LGR5: variants seen among roughly 807,000 people sequenced by gnomAD.
The protein encoded by LGR5 is leucine rich repeat containing G protein-coupled receptor 5, also known as leucine-rich repeat-containing G protein-coupled receptor 5.
A neutral mutation model predicts 76.7 loss-of-function variants in LGR5; 54 were observed. The observed-to-expected ratio is 0.70, with a 90% CI of 0.57 to 0.88. The LOEUF is 0.88. LGR5 is among the 40% of genes least tolerant of loss of function. The probability of loss-of-function intolerance (pLI) is 0.00; values close to 1 mark genes in which losing one functional copy is unlikely to be tolerated. For synonymous variants in LGR5, 406 were observed against 421.9 expected (o/e 0.96, Z 0.46); for missense variants, 1,078 against 1,073.3 (o/e 1.00, Z -0.06).
chr12:71,475,080 C>A (rs1873268812), intron 1 of LGR5, among the ~76,000 whole-genome samples: 1 of 152,154 alleles, frequency 6.6e-6, no homozygotes, highest in Non-Finnish European at 1.5e-5. Context: ...CTCAGCCAAT[C>A]TGAGGCTAGC....
chr12:71,471,754 T>C (rs998121239), intron 1 of LGR5, among the ~76,000 whole-genome samples: 1 of 152,048 alleles, frequency 6.6e-6, no homozygotes, highest in African/African-American at 2.4e-5. Flanking sequence ...TCAGTTTCCT[T>C]CCTATAAAAC....
rs1372753578 is a variant in LGR5, at chr12:71,553,244, C to T, written c.600C>T (p.His200=). The change falls in exon 5 of 18, where the codon CAC becomes CAT. Residue 200 remains histidine (H), a synonymous_variant. Transcript: ENST00000266674. ...CCTTGGCCCTGAACAAAATACACCA[C>T]ATACCAGACTATGCCTTTGGAAACC... ...AMTLALNKIH[H]IPDYAFGNLS... is the part of the protein sequence containing the mutation. 1.2e-6 allele frequency: 2 copies of T among 1,613,870 alleles called. No individual in the cohort carries two copies. Among genetic ancestry groups the T allele is most frequent in the Non-Finnish European group, 1.7e-6 (2 of 1,180,008 alleles).
intron 1 of LGR5, among the ~76,000 whole-genome samples, chr12:71,447,226 T>C (rs1872040554): frequency 6.6e-6 from 1 of 152,232 alleles, no homozygotes; most frequent in Admixed American, 6.5e-5. Flanking sequence ...TTTTAAACTT[T>C]GCATGCTTTG....
At chr12:71,539,609 C>G (rs908089555) in intron 4 of LGR5, among the ~76,000 whole-genome samples, 2 of 152,144 alleles carry the variant, frequency 1.3e-5, no homozygotes, top group African/African-American at 4.8e-5. Flanking sequence ...TCCTAAGTAG[C>G]TGGAATTACA....
intron 1 of LGR5, among the ~76,000 whole-genome samples, chr12:71,460,335 A>T (rs1452577976): frequency 6.6e-6 from 1 of 152,160 alleles, no homozygotes; most frequent in Non-Finnish European, 1.5e-5. Context: ...AGTGTGGAGA[A>T]GTTGGCTAAA....
At chr12:71,518,540 C>T (rs1285782158) in intron 2 of LGR5, among the ~76,000 whole-genome samples, 1 of 152,184 alleles carries the variant, frequency 6.6e-6, no homozygotes, top group Non-Finnish European at 1.5e-5. Flanking sequence ...TATAAAGACA[C>T]ATGAATGCAT....
intron 8 of LGR5, 80 bp downstream of exon 8, chr12:71,561,932 A>C (rs1878080766): frequency 1.2e-6 from 1 of 864,512 alleles, no homozygotes; most frequent in Admixed American, 2.7e-5. Context: ...TGAATATTCT[A>C]TATTTGCCTG....
At chr12:71,461,198 G>A (rs190215404) in intron 1 of LGR5, among the ~76,000 whole-genome samples, 22 of 152,258 alleles carry the variant, frequency 1.4e-4, no homozygotes, top group Admixed American at 1.4e-3. Context: ...GAAGGGACAT[G>A]TTTGCCCCTT....
intron 3 of LGR5, among the ~76,000 whole-genome samples, chr12:71,525,550 A>T (rs959425600): frequency 6.6e-5 from 10 of 152,062 alleles, no homozygotes; most frequent in African/African-American, 9.6e-5. Context: ...AAAATTTGGA[A>T]CCATTCAAAA....
At chr12:71,577,748 C>G (rs1368176892) in intron 13 of LGR5, among the ~76,000 whole-genome samples, 177 bp from the exon 14 acceptor site, 1 of 152,186 alleles carries the variant, frequency 6.6e-6, no homozygotes, top group African/African-American at 2.4e-5. Flanking sequence ...ATTTAAAGTT[C>G]TCTCATTAGT....
At chr12:71,550,433 C>T (rs1418770667) in intron 4 of LGR5, among the ~76,000 whole-genome samples, 2 of 148,560 alleles carry the variant, frequency 1.3e-5, no homozygotes, top group African/African-American at 5.0e-5. Flanking sequence ...GCGCGCAGCC[C>T]AAGACTTTTA....
chr12:71,578,950 A>C, intron 15 of LGR5, 21 bp downstream of exon 15: 1 of 1,587,630 alleles, frequency 6.3e-7, no homozygotes, highest in East Asian at 2.2e-5. Flanking sequence ...CATTAAAACT[A>C]ATAAGATACA....
Position 71,523,297 on chromosome 12 carries a change from T to G in LGR5, c.285-1109T>G, listed in dbSNP as rs576453290. ...TTGAGGCTCTTAGGTCCTTCAGAAA[T>G]AAGCACTAGTCAACTGGACCAACAA... On this transcript the variant is annotated intron_variant, in intron 2 of 17. Coordinates refer to ENST00000266674, the MANE Select transcript of LGR5 (RefSeq NM_003667.4). 1.4e-4 allele frequency among the ~76,000 whole-genome samples: 22 copies of G among 152,050 alleles called. 1 individual carries two copies. The highest frequency in any genetic ancestry group is 4.1e-4 in the African/African-American group (17 of 41,494).
chr12:71,536,553 A>G (rs753653817), intron 4 of LGR5, among the ~76,000 whole-genome samples: 2 of 152,356 alleles, frequency 1.3e-5, no homozygotes, highest in South Asian at 4.1e-4. Context: ...CCTGAAGGAA[A>G]GAAGAAACAG....
At chr12:71,514,334 C>T (rs931728118) in intron 2 of LGR5, among the ~76,000 whole-genome samples, 2 of 151,816 alleles carry the variant, frequency 1.3e-5, no homozygotes, top group African/African-American at 2.4e-5. Context: ...TTTGGGAGGC[C>T]GAGGCAGGTG....
rs1220892507 is a variant in LGR5, at chr12:71,583,667, C to T, written c.1657C>T (p.His553Tyr). 2 of 1,612,854 alleles carry T rather than the reference C, an allele frequency of 1.2e-6. No individual in the cohort carries two copies. Among genetic ancestry groups the T allele is most frequent in the African/African-American group, 2.7e-5 (2 of 74,932 alleles). Residue 553 changes from histidine (H) to tyrosine (Y), a missense_variant, in exon 18 of 18, where the codon CAC becomes TAC. By Grantham distance (83) the His-to-Tyr change is moderately conservative (BLOSUM62 2). Coordinates refer to ENST00000266674, the MANE Select transcript of LGR5 (RefSeq NM_003667.4). ...PSPGPFKPCEHLLDGWLIRIG... is the reference protein window; with the variant it reads ...PSPGPFKPCEYLLDGWLIRIG... ...TCTAGGCCCCTTCAAACCCTGTGAA[C>T]ACCTGCTTGATGGCTGGCTGATCAG... is the stretch of plus-strand genomic sequence containing the variant.
chr12:71,510,066 C>G (rs1875072152), intron 2 of LGR5, among the ~76,000 whole-genome samples: 1 of 152,022 alleles, frequency 6.6e-6, no homozygotes, highest in Non-Finnish European at 1.5e-5. Context: ...TTTTTTTCTT[C>G]CTGAGGATCA....
At chr12:71,541,194 G>C (rs569794224) in intron 4 of LGR5, among the ~76,000 whole-genome samples, 11 of 152,290 alleles carry the variant, frequency 7.2e-5, no homozygotes, top group Middle Eastern at 3.4e-3. Flanking sequence ...AACAGGAAAA[G>C]CTCCTTCTAC....
chr12:71,478,607 T>C (rs1296440391), intron 1 of LGR5, among the ~76,000 whole-genome samples: 4 of 152,216 alleles, frequency 2.6e-5, no homozygotes, highest in South Asian at 2.1e-4. Context: ...ATTATTCCCA[T>C]AGCATAATTT....
Sources: allele counts gnomAD v4.1 joint callset (sites outside exome capture counted in the v4.1 genomes callset), GRCh38; gene constraint gnomAD v4.1.1; transcripts MANE v1.5; gene names NCBI Gene and HGNC (gene_info 2026-07-23, HGNC 2026-07-21).